TYW1: variants seen among roughly 807,000 people sequenced by gnomAD.
The protein encoded by TYW1 is S-adenosyl-L-methionine-dependent tRNA 4-demethylwyosine synthase TYW1.
Under a neutral mutation model 96.2 loss-of-function variants are expected in TYW1, and 46 were observed. The ratio of observed to expected loss-of-function variants is 0.48; its 90% CI spans 0.38 to 0.61. The LOEUF is 0.61. TYW1 is among the 20% of genes least tolerant of loss of function. The probability of loss-of-function intolerance (pLI) is 0.00; values close to 1 mark genes in which losing one functional copy is unlikely to be tolerated. For missense variants in TYW1, 684 were observed against 909.6 expected, an observed-to-expected ratio of 0.75 and a Z score of 3.19; for synonymous variants, 274 against 323.0, an observed-to-expected ratio of 0.85 and a Z score of 1.63.
chr7:66,997,738 C>G (rs1459670346), intron 1 of TYW1, among the ~76,000 whole-genome samples: 2 of 150,180 alleles, frequency 1.3e-5, no homozygotes, highest in African/African-American at 4.9e-5. Context: ...AAACAGTTCT[C>G]CTGCCTCAGC....
At chr7:67,056,948 T>C (rs1287700617) in intron 9 of TYW1, among the ~76,000 whole-genome samples, 1 of 152,142 alleles carries the variant, frequency 6.6e-6, no homozygotes. Flanking sequence ...TGTGGTATTG[T>C]CTTTTAATTT....
At chr7:67,062,291 C>T (rs562379210) in intron 9 of TYW1, among the ~76,000 whole-genome samples, 39 of 151,874 alleles carry the variant, frequency 2.6e-4, no homozygotes, top group South Asian at 2.1e-4. Context: ...CGCCTGTAGT[C>T]GCAGCTACTC....
At position 67,147,769 on chromosome 7, in the gene TYW1, C is replaced by T. The variant is rs117260251; in HGVS notation, c.1698+30151C>T. Among the ~76,000 whole-genome samples the T allele has an allele frequency of 5.3e-5, 8 of 152,164 alleles. No individual in the cohort carries two copies. In the East Asian group the frequency reaches 1.2e-3, roughly 22 times the overall value. ...AAGGACATGATCTTGTTCTTTTTTA[C>T]GTCTGCAAGGTTCTCTGCTTATAAG... On this transcript the variant is annotated intron_variant, in intron 13 of 15. Coordinates refer to ENST00000359626, the MANE Select transcript of TYW1 (RefSeq NM_018264.4).
chr7:67,102,939 A>C (rs911183524), intron 12 of TYW1, among the ~76,000 whole-genome samples: 1 of 152,182 alleles, frequency 6.6e-6, no homozygotes, highest in Non-Finnish European at 1.5e-5. Context: ...GTGAGCCATC[A>C]CGCCCGGTCA....
intron 11 of TYW1, among the ~76,000 whole-genome samples, chr7:67,094,651 AGTGTGTGTGTGTGTGTGTGTGTGTGT>A (rs56069939): frequency 1.4e-5 from 2 of 141,600 alleles, no homozygotes; most frequent in Non-Finnish European, 3.1e-5. Flanking sequence ...AGAGAATTAG[AGTGTGTGTGTGTGTGTGTGTGTGTGT>A]GTGTGTGTGT....
chr7:67,061,724 A>C (rs1469682123), intron 9 of TYW1, among the ~76,000 whole-genome samples: 5 of 152,380 alleles, frequency 3.3e-5, no homozygotes, highest in African/African-American at 1.2e-4. Context: ...AATAAAAATA[A>C]GAATACTAAT....
chr7:67,078,336 C>T (rs777744938), intron 10 of TYW1, among the ~76,000 whole-genome samples: 3 of 151,964 alleles, frequency 2.0e-5, no homozygotes, highest in Non-Finnish European at 4.4e-5. Flanking sequence ...ACTTTGTGAT[C>T]CTCCTGCCTC....
intron 13 of TYW1, among the ~76,000 whole-genome samples, chr7:67,154,375 C>G (rs1406775076): frequency 6.6e-6 from 1 of 152,148 alleles, no homozygotes; most frequent in Non-Finnish European, 1.5e-5. Flanking sequence ...TTAAACATTT[C>G]TTGTACAGTC....
intron 7 of TYW1, among the ~76,000 whole-genome samples, chr7:67,029,384 T>TGC (rs1389417133): frequency 0.087 from 8,706 of 100,494 alleles, 586 homozygotes; most frequent in East Asian, 0.28. Flanking sequence ...TGTGTGTGCG[T>TGC]GTGTGTGTGT....
At chr7:67,164,882 G>T (rs2690162) in intron 13 of TYW1, among the ~76,000 whole-genome samples, 1 of 151,920 alleles carries the variant, frequency 6.6e-6, no homozygotes, top group Admixed American at 6.6e-5. Flanking sequence ...TGAGTTTGTA[G>T]TGTCTCGTTA....
intron 9 of TYW1, among the ~76,000 whole-genome samples, chr7:67,066,652 C>T (rs1795877714): frequency 6.6e-6 from 1 of 152,118 alleles, no homozygotes; most frequent in Non-Finnish European, 1.5e-5. Context: ...AGTTCAAGAC[C>T]AGCCTGGGCA....
intron 13 of TYW1, among the ~76,000 whole-genome samples, chr7:67,145,390 C>T (rs1415667910): frequency 1.3e-5 from 2 of 152,066 alleles, no homozygotes; most frequent in Admixed American, 1.3e-4. Flanking sequence ...ACCTCTTGAT[C>T]CACCCGCCTC....
intron 12 of TYW1, among the ~76,000 whole-genome samples, chr7:67,105,666 A>T (rs1797214688): frequency 6.6e-6 from 1 of 152,168 alleles, no homozygotes; most frequent in African/African-American, 2.4e-5. Context: ...GTCATCTGCC[A>T]CTTGTCAGAG....
intron 9 of TYW1, among the ~76,000 whole-genome samples, chr7:67,062,779 A>G (rs190593681): frequency 2.7e-4 from 41 of 152,316 alleles, no homozygotes; most frequent in Admixed American, 2.6e-3. Context: ...ATAATCCTGT[A>G]ATCATTGAAG....
At chr7:67,013,111 T>A (rs1190747006) in intron 4 of TYW1, among the ~76,000 whole-genome samples, 2 of 149,306 alleles carry the variant, frequency 1.3e-5, no homozygotes, top group Non-Finnish European at 3.0e-5. Context: ...GTATTTTTTC[T>A]TTTCTTTTCT....
chr7:67,182,961 T>A (rs1799885828), intron 13 of TYW1, among the ~76,000 whole-genome samples, 165 bp from the exon 14 acceptor site: 1 of 151,648 alleles, frequency 6.6e-6, no homozygotes, highest in Admixed American at 6.6e-5. Flanking sequence ...TCATAGTGTT[T>A]ATTTTTGTTT....
At chr7:67,174,118 C>A (rs200035492) in intron 13 of TYW1, among the ~76,000 whole-genome samples, 8,269 of 148,670 alleles carry the variant, frequency 0.056, 359 homozygotes, top group East Asian at 0.15. Flanking sequence ...CTGTTTGGGA[C>A]ATTTGTCACA....
At chr7:67,141,751 T>C (rs1247658923) in intron 13 of TYW1, among the ~76,000 whole-genome samples, 1 of 152,184 alleles carries the variant, frequency 6.6e-6, no homozygotes, top group Non-Finnish European at 1.5e-5. Context: ...TGATAACACA[T>C]GAGGCCAGGC....
intron 11 of TYW1, among the ~76,000 whole-genome samples, chr7:67,092,716 C>T (rs1271367402): frequency 1.4e-5 from 2 of 143,282 alleles, no homozygotes; most frequent in African/African-American, 5.2e-5. Flanking sequence ...GGAATCTCAC[C>T]CTGCTGCCAA....
Sources: allele counts gnomAD v4.1 joint callset (sites outside exome capture counted in the v4.1 genomes callset), GRCh38; gene constraint gnomAD v4.1.1; transcripts MANE v1.5; gene names NCBI Gene and HGNC (gene_info 2026-07-23, HGNC 2026-07-21).